ANO4: variants seen among roughly 807,000 people sequenced by gnomAD.
The protein encoded by ANO4 is anoctamin-4.
In ANO4, 69 loss-of-function variants were observed where a neutral mutation model predicts 141.9. The ratio of observed to expected loss-of-function variants is 0.49; its 90% CI spans 0.40 to 0.59. The LOEUF (loss-of-function observed/expected upper bound fraction) is 0.59. Among genes scored for constraint, ANO4 ranks in the 20% least tolerant of loss-of-function variants. ANO4 has a pLI of 0.00. For missense variants in ANO4, 894 were observed against 1,162.2 expected (o/e 0.77, Z 3.36); for synonymous variants, 350 against 394.3 (o/e 0.89, Z 1.33).
chr12:101,032,171 A>G (rs997457511), intron 9 of ANO4, among the ~76,000 whole-genome samples: 7 of 152,328 alleles, frequency 4.6e-5, no homozygotes, highest in Middle Eastern at 3.4e-3. Flanking sequence ...ATGCTACCTG[A>G]CTTCAAACTA....
At chr12:101,022,179 G>T (rs1166470237) in intron 9 of ANO4, among the ~76,000 whole-genome samples, 1 of 152,172 alleles carries the variant, frequency 6.6e-6, no homozygotes, top group African/African-American at 2.4e-5. Flanking sequence ...ATGTATGGGG[G>T]TATGGTGAAG....
At chr12:100,861,050 C>T (rs1226599007) in intron 1 of ANO4, among the ~76,000 whole-genome samples, 1 of 152,158 alleles carries the variant, frequency 6.6e-6, no homozygotes, top group Non-Finnish European at 1.5e-5. Context: ...AGAGAGTTGC[C>T]GCTGCTGGCT....
At chr12:100,815,791 A>G (rs12320096) in intron 1 of ANO4, among the ~76,000 whole-genome samples, 30,125 of 151,940 alleles carry the variant, frequency 0.2, 3,308 homozygotes, top group Non-Finnish European at 0.26. Context: ...GAATTTATGC[A>G]TATGTATTTT....
chr12:101,045,442 TA>T (rs2047579237), intron 13 of ANO4, among the ~76,000 whole-genome samples: 1 of 152,190 alleles, frequency 6.6e-6, no homozygotes, highest in African/African-American at 2.4e-5. Flanking sequence ...AAATGAAAGA[TA>T]AAAAGCCTTA....
chr12:101,025,033 A>G (rs1377163722), intron 9 of ANO4, among the ~76,000 whole-genome samples: 1 of 152,204 alleles, frequency 6.6e-6, no homozygotes, highest in Non-Finnish European at 1.5e-5. Flanking sequence ...AATTATGATA[A>G]TCTCCTTTGA....
chr12:100,863,087 A>G lies in ANO4; in HGVS notation c.-140-38559A>G, dbSNP rs187817449. ...TGAAGAGGAGCTAGAAAGGTTCCCAACAGAGGGGACAGCAGGAGCTGAGGC... is the reference window on the plus strand; with the variant it reads ...TGAAGAGGAGCTAGAAAGGTTCCCAGCAGAGGGGACAGCAGGAGCTGAGGC... On this transcript the variant is annotated intron_variant, in intron 1 of 27. Transcript: ENST00000392977. 3.2e-3 allele frequency among the ~76,000 whole-genome samples: 493 copies of G among 152,330 alleles called. 3 individuals are homozygous for G. Among genetic ancestry groups the G allele is most frequent in the African/African-American group, 0.012 (479 of 41,574 alleles).
rs2031499752 is a variant in ANO4, at chr12:100,733,899, T to C, written c.106+42T>C. 4 of 673,764 alleles carry C rather than the reference T, an allele frequency of 5.9e-6. No individual in the cohort carries two copies. In the South Asian group the frequency reaches 6.3e-5, roughly 11 times the overall value. The allele number at this position is 673,764 out of a possible 1,614,324, so 41.7% of individuals were successfully genotyped here. ...TTTTGATTTTTTTAAAAAAATATTATTGCCTGGAAAAGCTGGAGGTCAAGG... is the reference window on the plus strand; with the variant it reads ...TTTTGATTTTTTTAAAAAAATATTACTGCCTGGAAAAGCTGGAGGTCAAGG... On this transcript the variant is annotated intron_variant, in intron 2 of 29. Transcript: ENST00000644049.
rs370283552 is a variant in ANO4 at position 100,761,078 on chromosome 12, A to G, written c.358+20973A>G. ...CCTCTAGCCATTAACGGCAAAGCCT[A>G]TCTTTGTGGTGCCTTTTGCTCCATC... On this transcript the variant is annotated intron_variant, in intron 3 of 29. Coordinates refer to the ANO4 transcript ENST00000644049. Among the ~76,000 whole-genome samples, 395 of 152,206 alleles carry G rather than the reference A, an allele frequency of 2.6e-3. 2 individuals are homozygous for G. Among genetic ancestry groups the G allele is most frequent in the African/African-American group, 9.0e-3 (374 of 41,530 alleles).
At chr12:100,744,830 G>A (rs940389155) in intron 3 of ANO4, among the ~76,000 whole-genome samples, 1 of 152,142 alleles carries the variant, frequency 6.6e-6, no homozygotes, top group Non-Finnish European at 1.5e-5. Flanking sequence ...GCTGCTAGCA[G>A]TCTTGTTACA....
Position 100,822,521 on chromosome 12 carries a change from A to G in ANO4, c.-141+27494A>G, listed in dbSNP as rs371424062. Reference sequence around the variant, plus strand: ...AAGATGGTGGAAGAGAGAAAGCTGTACATACACACGCACATACACACACGC... The same window carrying G: ...AAGATGGTGGAAGAGAGAAAGCTGTGCATACACACGCACATACACACACGC... On this transcript the variant is annotated intron_variant, in intron 1 of 27. Coordinates refer to ENST00000392977, the MANE Select transcript of ANO4 (RefSeq NM_001286615.2). Among the ~76,000 whole-genome samples the G allele has an allele frequency of 2.6e-5, 4 of 152,172 alleles. No individual in the cohort carries two copies. The South Asian group carries it at 8.3e-4, about 32-fold the overall frequency.
At chr12:101,103,336 TGTTACCATTAAGTGTGG>T (rs1358493280) in intron 22 of ANO4, among the ~76,000 whole-genome samples, 3 of 150,546 alleles carry the variant, frequency 2.0e-5, no homozygotes, top group Non-Finnish European at 3.0e-5. Flanking sequence ...GTGTTCAATA[TGTTACCATTAAGTGTGG>T]TGCTAGCTGT....
chr12:100,962,730 T>G (rs1001771474), intron 5 of ANO4, among the ~76,000 whole-genome samples: 1 of 152,204 alleles, frequency 6.6e-6, no homozygotes, highest in Non-Finnish European at 1.5e-5. Context: ...CACAACACAG[T>G]GGCTTATTTC....
At chr12:100,806,531 T>TTTTGTTTC (rs1565891297) in intron 1 of ANO4, among the ~76,000 whole-genome samples, 6 of 32,174 alleles carry the variant, frequency 1.9e-4, no homozygotes, top group African/African-American at 1.2e-3. Flanking sequence ...TTCGTTTTTT[T>TTTTGTTTC]TTTTTTTTTT....
At chr12:100,990,600 G>A (rs143390679) in intron 8 of ANO4, among the ~76,000 whole-genome samples, 40 of 152,198 alleles carry the variant, frequency 2.6e-4, no homozygotes, top group African/African-American at 8.7e-4. Context: ...GCACTGTCTG[G>A]GTACAGAGGG....
At chr12:100,888,149 C>T (rs867159094) in intron 1 of ANO4, among the ~76,000 whole-genome samples, 5 of 152,182 alleles carry the variant, frequency 3.3e-5, no homozygotes, top group African/African-American at 9.6e-5. Flanking sequence ...TAAAAGTAAA[C>T]GGTAGCAAAT....
intron 1 of ANO4, among the ~76,000 whole-genome samples, chr12:100,797,484 G>C (rs1306991010): frequency 2.0e-5 from 3 of 152,120 alleles, no homozygotes; most frequent in African/African-American, 7.2e-5. Context: ...GCTGAGCGGA[G>C]CCTGTAGCCT....
At chr12:101,074,033 T>G (rs2048930301) in intron 14 of ANO4, among the ~76,000 whole-genome samples, 1 of 152,156 alleles carries the variant, frequency 6.6e-6, no homozygotes, top group Admixed American at 6.6e-5. Context: ...AGTGTCCTTT[T>G]CTAAGATCTG....
At chr12:100,776,212 G>A (rs1165122716) in intron 3 of ANO4, among the ~76,000 whole-genome samples, 1 of 152,152 alleles carries the variant, frequency 6.6e-6, no homozygotes, top group Non-Finnish European at 1.5e-5. Flanking sequence ...AGGAGTCCAG[G>A]CCAGGCAGTC....
upstream of ANO4, among the ~76,000 whole-genome samples, chr12:100,791,669 T>C (rs1403206503): frequency 1.3e-5 from 2 of 152,160 alleles, no homozygotes; most frequent in Non-Finnish European, 2.9e-5. Context: ...CTAAAAGCAT[T>C]CTTGGGGGAC....
Sources: gnomAD v4.1 joint callset for allele counts (sites outside exome capture counted in the v4.1 genomes callset) on GRCh38, gnomAD v4.1.1 for gene constraint, MANE v1.5 for transcripts, NCBI Gene and HGNC (gene_info 2026-07-23, HGNC 2026-07-21) for gene names.